The following PCDH9 variants were observed in gnomAD, a reference collection of about 807,000 sequenced individuals.
PCDH9 encodes protocadherin-9.
Under a neutral mutation model 70.6 loss-of-function variants are expected in PCDH9, and 24 were observed. The ratio of observed to expected loss-of-function variants is 0.34; its 90% confidence interval spans 0.25 to 0.48. PCDH9 has a LOEUF of 0.48. Among genes scored for constraint, PCDH9 ranks in the 20% least tolerant of loss-of-function variants. PCDH9 has a pLI of 0.99. For synonymous variants in PCDH9, 562 were observed against 558.5 expected (o/e 1.01, Z -0.09); for missense variants, 1,281 against 1,503.6 (o/e 0.85, Z 2.45).
intron 2 of PCDH9, among the ~76,000 whole-genome samples, chr13:66,979,710 CT>C (rs1566336480): frequency 6.6e-6 from 1 of 152,118 alleles, no homozygotes; most frequent in African/African-American, 2.4e-5. Flanking sequence ...ATATCCCCCC[CT>C]TACAACTCCA....
intron 4 of PCDH9, among the ~76,000 whole-genome samples, chr13:66,313,447 G>A (rs937533623): frequency 6.6e-6 from 1 of 152,164 alleles, no homozygotes; most frequent in Non-Finnish European, 1.5e-5. Context: ...GCAGACTAAG[G>A]TGTTAAGCAG....
intron 3 of PCDH9, among the ~76,000 whole-genome samples, chr13:66,637,695 C>T (rs531249636): frequency 3.9e-5 from 6 of 152,140 alleles, no homozygotes; most frequent in African/African-American, 9.6e-5. Flanking sequence ...GGGTGGATCA[C>T]GAGGTCAGGA....
intron 3 of PCDH9, among the ~76,000 whole-genome samples, chr13:66,819,388 C>T (rs2080669209): frequency 6.6e-6 from 1 of 151,548 alleles, no homozygotes. Flanking sequence ...AATGAATAAC[C>T]TTGGAAGGAC....
At chr13:66,659,324 G>C (rs1357287831) in intron 3 of PCDH9, among the ~76,000 whole-genome samples, 1 of 152,006 alleles carries the variant, frequency 6.6e-6, no homozygotes, top group Non-Finnish European at 1.5e-5. Context: ...TGTCTCAAAG[G>C]CTTATTTTGT....
intron 2 of PCDH9, among the ~76,000 whole-genome samples, chr13:67,160,228 A>C (rs1325628822): frequency 2.0e-5 from 3 of 152,180 alleles, no homozygotes; most frequent in Non-Finnish European, 4.4e-5. Context: ...ATAGAAAATT[A>C]TTTTCATATT....
chr13:66,366,367 C>CATAAG (rs1956555391), intron 4 of PCDH9, among the ~76,000 whole-genome samples: 1 of 151,792 alleles, frequency 6.6e-6, no homozygotes, highest in African/African-American at 2.4e-5. Flanking sequence ...TTGCATGTTC[C>CATAAG]TAAAATTTAT....
At chr13:66,927,695 A>C (rs1032179162) in intron 2 of PCDH9, among the ~76,000 whole-genome samples, 11 of 151,850 alleles carry the variant, frequency 7.2e-5, no homozygotes, top group African/African-American at 2.7e-4. Context: ...TTTTCTTTAC[A>C]TGTTCTTCCC....
At chr13:66,419,555 A>G (rs7999816) in intron 4 of PCDH9, among the ~76,000 whole-genome samples, 124,404 of 151,618 alleles carry the variant, frequency 0.82, 52,611 homozygotes, top group South Asian at 0.95. Flanking sequence ...ACATGGGTAG[A>G]GGAATTCCCT....
chr13:67,021,710 C>T (rs1346423129), intron 2 of PCDH9, among the ~76,000 whole-genome samples: 2 of 152,024 alleles, frequency 1.3e-5, no homozygotes, highest in Non-Finnish European at 2.9e-5. Context: ...CAGGTGCACA[C>T]AACCACACCT....
intron 3 of PCDH9, among the ~76,000 whole-genome samples, chr13:66,865,938 T>C (rs2081567116): frequency 6.6e-6 from 1 of 152,198 alleles, no homozygotes; most frequent in Non-Finnish European, 1.5e-5. Context: ...TAAATTTCGT[T>C]GTATCAGGTT....
At position 66,444,651 on chromosome 13, in the gene PCDH9, C is replaced by T. The variant is rs1041570986; in HGVS notation, c.3341-139623G>A. Among the ~76,000 whole-genome samples the T allele has an allele frequency of 1.2e-3, 182 of 152,246 alleles. 1 individual carries two copies. Among genetic ancestry groups the T allele is most frequent in the African/African-American group, 4.2e-3 (174 of 41,534 alleles). On this transcript the variant is annotated intron_variant, in intron 4 of 4. Coordinates refer to ENST00000377865, the MANE Select transcript of PCDH9 (RefSeq NM_203487.3). ...TGTCGGCTCATTGCAACCTCTGCCT[C>T]CTAGGTTCAAGCGATTCTCCTGTCT...
intron 4 of PCDH9, among the ~76,000 whole-genome samples, chr13:66,388,318 G>A (rs1395961744): frequency 2.0e-5 from 3 of 152,082 alleles, no homozygotes; most frequent in Non-Finnish European, 2.9e-5. Flanking sequence ...GTGTACATAG[G>A]ATAATAATTT....
chr13:66,647,144 T>C (rs1427330793), intron 3 of PCDH9, among the ~76,000 whole-genome samples: 2 of 152,004 alleles, frequency 1.3e-5, no homozygotes, highest in Admixed American at 6.6e-5. Context: ...CCTAACCAAA[T>C]TCTGATGCTA....
At chr13:66,334,901 T>G (rs192372385) in intron 4 of PCDH9, among the ~76,000 whole-genome samples, 2 of 152,224 alleles carry the variant, frequency 1.3e-5, no homozygotes, top group East Asian at 3.9e-4. Flanking sequence ...ATGTAATATT[T>G]TACAGCATAT....
chr13:67,163,839 A>G (rs980700641), intron 2 of PCDH9, among the ~76,000 whole-genome samples: 1 of 152,208 alleles, frequency 6.6e-6, no homozygotes, highest in Non-Finnish European at 1.5e-5. Context: ...CAATAAATGT[A>G]ATCCAGATTC....
chr13:66,645,387 G>C (rs891209881), intron 3 of PCDH9, among the ~76,000 whole-genome samples: 2 of 152,018 alleles, frequency 1.3e-5, no homozygotes, highest in African/African-American at 2.4e-5. Context: ...AACAATTTGA[G>C]ATATAAATAT....
intron 3 of PCDH9, among the ~76,000 whole-genome samples, chr13:66,879,415 C>A (rs973097970): frequency 1.3e-5 from 2 of 151,944 alleles, no homozygotes; most frequent in African/African-American, 4.8e-5. Flanking sequence ...TTAAAAAAAA[C>A]AATATGCCTA....
chr13:66,807,593 T>C (rs552627509), intron 3 of PCDH9, among the ~76,000 whole-genome samples: 1 of 152,332 alleles, frequency 6.6e-6, no homozygotes, highest in African/African-American at 2.4e-5. Flanking sequence ...TTAAGTGAGA[T>C]AATTTATATA....
At chr13:66,723,024 T>G (rs969026419) in intron 3 of PCDH9, among the ~76,000 whole-genome samples, 2 of 151,268 alleles carry the variant, frequency 1.3e-5, no homozygotes, top group Non-Finnish European at 2.9e-5. Context: ...AATTGTGACA[T>G]GCAAATTCCT....
Sources: gnomAD v4.1 joint callset for allele counts (sites outside exome capture counted in the v4.1 genomes callset) on GRCh38, gnomAD v4.1.1 for gene constraint, MANE v1.5 for transcripts, NCBI Gene and HGNC (gene_info 2026-07-23, HGNC 2026-07-21) for gene names.